DPP10: variants seen among roughly 807,000 people sequenced by gnomAD.
DPP10 encodes dipeptidyl peptidase like 10.
A neutral mutation model predicts 120.9 loss-of-function variants in DPP10; 33 were observed. The ratio of observed to expected loss-of-function variants is 0.27; its 90% CI spans 0.21 to 0.37. DPP10 has a LOEUF of 0.37. DPP10 is among the 10% of genes least tolerant of loss of function. DPP10 has a pLI of 1.00. For missense variants in DPP10, 816 were observed against 942.8 expected (o/e 0.87, Z 1.76); for synonymous variants, 337 against 326.1 (o/e 1.03, Z -0.36).
chr2:115,620,512 A>G (rs1345958771), intron 5 of DPP10, among the ~76,000 whole-genome samples: 3 of 152,240 alleles, frequency 2.0e-5, no homozygotes, highest in Admixed American at 6.5e-5. Flanking sequence ...AGCACCATCA[A>G]TGGAAAATTT....
intron 1 of DPP10, among the ~76,000 whole-genome samples, chr2:114,694,064 G>A (rs1226665571): frequency 2.0e-5 from 3 of 151,944 alleles, no homozygotes; most frequent in Admixed American, 6.6e-5. Flanking sequence ...TATCAAGAAT[G>A]TTTCAGACAG....
At chr2:115,639,164 T>C (rs72947984) in intron 5 of DPP10, among the ~76,000 whole-genome samples, 6,118 of 152,276 alleles carry the variant, frequency 0.04, 408 homozygotes, top group African/African-American at 0.14. Context: ...TGAGTCTTGC[T>C]GGGTACCCCT....
intron 5 of DPP10, among the ~76,000 whole-genome samples, chr2:115,642,028 G>T (rs2086825592): frequency 6.6e-6 from 1 of 152,038 alleles, no homozygotes; most frequent in African/African-American, 2.4e-5. Flanking sequence ...ATAGGGCATT[G>T]CTTTTCAAGT....
rs556852467 is a variant in DPP10 at position 114,912,793 on chromosome 2, G to A, written c.61-396446G>A. Among the ~76,000 whole-genome samples, 13 of 152,340 alleles carry A rather than the reference G, an allele frequency of 8.5e-5. No homozygotes were observed. The South Asian group carries it at 2.7e-3, about 32-fold the overall frequency. ...GACCTCCAGAATCTTAGCTGCAGCA[G>A]ACTACATGATTCTCATGGATATTTG... On this transcript the variant is annotated intron_variant, in intron 1 of 25. Coordinates refer to ENST00000410059, the MANE Select transcript of DPP10 (RefSeq NM_020868.6).
At chr2:115,160,195 CA>C (rs2052205847) in intron 1 of DPP10, among the ~76,000 whole-genome samples, 1 of 152,048 alleles carries the variant, frequency 6.6e-6, no homozygotes. Flanking sequence ...TTATTCCTAG[CA>C]AAAAGTTATT....
chr2:114,982,207 G>A (rs1225780590), intron 1 of DPP10, among the ~76,000 whole-genome samples: 1 of 152,110 alleles, frequency 6.6e-6, no homozygotes, highest in Non-Finnish European at 1.5e-5. Context: ...CTTTTGTTTG[G>A]GAGGGGAGAT....
intron 1 of DPP10, among the ~76,000 whole-genome samples, chr2:115,237,928 T>A (rs2058080326): frequency 6.6e-6 from 1 of 152,202 alleles, no homozygotes; most frequent in Admixed American, 6.5e-5. Flanking sequence ...AAGTGCAAGC[T>A]GAAGCAGCAA....
intron 1 of DPP10, among the ~76,000 whole-genome samples, chr2:115,257,063 C>A (rs764784506): frequency 2.0e-5 from 3 of 152,154 alleles, no homozygotes; most frequent in Non-Finnish European, 4.4e-5. Context: ...CATCTGAGAC[C>A]TTGTAAGCGT....
intron 1 of DPP10, among the ~76,000 whole-genome samples, chr2:115,145,960 G>T (rs1415776393): frequency 6.6e-6 from 1 of 151,980 alleles, no homozygotes; most frequent in Non-Finnish European, 1.5e-5. Context: ...GCCATTACTT[G>T]CAAACACCTA....
chr2:115,582,160 G>A (rs1247768532), intron 5 of DPP10, among the ~76,000 whole-genome samples: 1 of 152,094 alleles, frequency 6.6e-6, no homozygotes, highest in East Asian at 1.9e-4. Context: ...ATGTTCCAAG[G>A]TTTGGGTTTC....
chr2:115,645,921 C>A (rs2087205088), intron 5 of DPP10, among the ~76,000 whole-genome samples: 1 of 152,076 alleles, frequency 6.6e-6, no homozygotes, highest in Admixed American at 6.6e-5. Flanking sequence ...TGGGACAAAG[C>A]ACAACATAAA....
intron 3 of DPP10, among the ~76,000 whole-genome samples, chr2:115,449,504 C>A (rs1350960043): frequency 6.6e-6 from 1 of 152,040 alleles, no homozygotes; most frequent in Non-Finnish European, 1.5e-5. Flanking sequence ...TGGTCCTTAA[C>A]TATATCCTTA....
chr2:115,477,535 C>T (rs1327936961), intron 3 of DPP10, among the ~76,000 whole-genome samples: 1 of 152,114 alleles, frequency 6.6e-6, no homozygotes, highest in African/African-American at 2.4e-5. Context: ...ATTCCACATA[C>T]ATGGATTGAG....
At chr2:114,609,539 T>A (rs1179129667) in intron 1 of DPP10, among the ~76,000 whole-genome samples, 2 of 152,118 alleles carry the variant, frequency 1.3e-5, no homozygotes, top group African/African-American at 4.8e-5. Context: ...CCAAGAGGAT[T>A]TGAAACGAGG....
intron 5 of DPP10, among the ~76,000 whole-genome samples, chr2:115,662,224 G>T (rs916716329): frequency 2.0e-5 from 3 of 151,978 alleles, no homozygotes; most frequent in African/African-American, 4.8e-5. Context: ...TTAACATTTT[G>T]TTGCATTTAT....
At chr2:115,660,759 G>A (rs1354780176) in intron 5 of DPP10, among the ~76,000 whole-genome samples, 1 of 142,870 alleles carries the variant, frequency 7.0e-6, no homozygotes, top group Non-Finnish European at 1.5e-5. Context: ...TGATCATGAG[G>A]GTCTTTATAC....
chr2:115,627,961 A>C (rs1035542138), intron 5 of DPP10, among the ~76,000 whole-genome samples: 1 of 152,202 alleles, frequency 6.6e-6, no homozygotes, highest in Non-Finnish European at 1.5e-5. Flanking sequence ...TATTGTGAAT[A>C]GTGCTGCAAT....
Position 115,021,671 on chromosome 2 carries a change from A to G in DPP10, c.61-287568A>G, listed in dbSNP as rs142444472. On this transcript the variant is annotated intron_variant, in intron 1 of 25. Transcript: ENST00000410059. ...ACCTAAATCGTTTTATGAAGCCAGT[A>G]TCACCCTAATACCTAAACCAGTGAA... Among the ~76,000 whole-genome samples the G allele has an allele frequency of 2.2e-4, 33 of 152,264 alleles. 3 individuals are homozygous for G. Among genetic ancestry groups the G allele is most frequent in the African/African-American group, 7.5e-4 (31 of 41,572 alleles).
intron 1 of DPP10, among the ~76,000 whole-genome samples, chr2:114,470,196 T>C (rs1390254932): frequency 1.3e-5 from 2 of 152,212 alleles, no homozygotes; most frequent in Non-Finnish European, 2.9e-5. Context: ...GTTGTCTCCA[T>C]AGCCAAAGAG....
Sources: gnomAD v4.1 joint callset for allele counts (sites outside exome capture counted in the v4.1 genomes callset) on GRCh38, gnomAD v4.1.1 for gene constraint, MANE v1.5 for transcripts, NCBI Gene and HGNC (gene_info 2026-07-23, HGNC 2026-07-21) for gene names.